The following SNX5 variants were observed in gnomAD, a reference collection of about 807,000 sequenced individuals.
The protein encoded by SNX5 is sorting nexin 5.
A neutral mutation model predicts 53.9 loss-of-function variants in SNX5; 31 were observed. The ratio of observed to expected loss-of-function variants is 0.58; its 90% CI spans 0.43 to 0.78. The LOEUF (loss-of-function observed/expected upper bound fraction) is 0.78, where lower values mean the gene tolerates loss of function less well. SNX5 is among the 30% of genes least tolerant of loss of function. The pLI, the probability that SNX5 is intolerant of heterozygous loss-of-function variation, is 0.00. For synonymous variants in SNX5, 168 were observed against 171.1 expected (o/e 0.98, Z 0.14); for missense variants, 471 against 478.8 (o/e 0.98, Z 0.15).
At chr20:17,945,550 TGA>T (rs2039476395) in intron 11 of SNX5, 1 of 151,894 alleles carries the variant, frequency 6.6e-6, no homozygotes, top group African/African-American at 2.4e-5. Flanking sequence ...TCCAGAGCCA[TGA>T]AACTGGCCTA....
chr20:17,965,009 C>A (rs1251600194), intron 1 of SNX5, among the ~76,000 whole-genome samples: 1 of 152,218 alleles, frequency 6.6e-6, no homozygotes, highest in Non-Finnish European at 1.5e-5. Context: ...GCTTTATTCT[C>A]ACAAAGATAT....
chr20:17,964,907 C>A (rs1331425534), intron 1 of SNX5, among the ~76,000 whole-genome samples: 1 of 152,192 alleles, frequency 6.6e-6, no homozygotes, highest in African/African-American at 2.4e-5. Context: ...AAACACGAAG[C>A]CCTCCCTTTG....
intron 4 of SNX5, among the ~76,000 whole-genome samples, chr20:17,953,426 G>C (rs937444123): frequency 6.6e-6 from 1 of 152,230 alleles, no homozygotes; most frequent in Non-Finnish European, 1.5e-5. Context: ...GCTGCCTGTA[G>C]ACCTGGACTT....
chr20:17,966,967 A>G (rs2035548570), intron 1 of SNX5, among the ~76,000 whole-genome samples: 1 of 152,230 alleles, frequency 6.6e-6, no homozygotes, highest in African/African-American at 2.4e-5. Context: ...TATTCCTGTA[A>G]TGTAAAAAGG....
In SNX5 at chr20:17,942,104, C is replaced by T. The variant is rs759475864; in HGVS notation, c.*253G>A. The T allele has an allele frequency of 3.7e-5, 16 of 436,608 alleles. 1 individual carries two copies. The highest frequency in any genetic ancestry group is 6.9e-5 in the South Asian group (3 of 43,202). The allele number at this position is 436,608 out of a possible 1,614,324, so 27.0% of individuals were successfully genotyped here. ...TTTCTTAGTAACTAAAGACGAACTA[C>T]GGGAGAACCCAGTATTTGGATTCTG... On this transcript the variant is annotated 3_prime_UTR_variant, in exon 13 of 13. Transcript: ENST00000377759.
chr20:17,968,701 C>A lies in SNX5; in HGVS notation c.-276G>T. The A allele has an allele frequency of 2.0e-6, 1 of 503,380 alleles. No homozygotes were observed. The highest frequency in any genetic ancestry group is 3.6e-6 in the Non-Finnish European group (1 of 276,438). The allele number at this position is 503,380 out of a possible 1,614,324, so 31.2% of individuals were successfully genotyped here. On this transcript the variant is annotated 5_prime_UTR_variant, in exon 1 of 13. In the 5' UTR this introduces an upstream ATG that the reference lacks. Transcript: ENST00000377759. ...GCAAAGACGCCACGTGGGGCCTACC[C>A]TTGCTCCGCTCCACGAGGAGGCCGC...
At chr20:17,955,660 AT>A (rs2035340748) in intron 2 of SNX5, among the ~76,000 whole-genome samples, 185 bp from the exon 3 acceptor site, 1 of 152,184 alleles carries the variant, frequency 6.6e-6, no homozygotes, top group African/African-American at 2.4e-5. Context: ...AACTCTAACG[AT>A]TTCTCCCCAA....
At chr20:17,957,546 A>G (rs548489189) in intron 1 of SNX5, among the ~76,000 whole-genome samples, 1 of 152,336 alleles carries the variant, frequency 6.6e-6, no homozygotes, top group South Asian at 2.1e-4. Flanking sequence ...GCATTGGTAT[A>G]TCCGAAGTAT....
chr20:17,955,479 T>TAAAG lies in SNX5; in HGVS notation c.157-8_157-5dup. On this transcript the variant is annotated splice_polypyrimidine_tract_variant and splice_region_variant and intron_variant, in intron 2 of 12. Coordinates refer to ENST00000377759, the MANE Select transcript of SNX5 (RefSeq NM_014426.4). ...TCTGAAACGTGGGCAGTGTGGTCTG[T>TAAAG]AAAGAAAGAAAGAAGTTAACTGGTA... is the stretch of plus-strand genomic sequence containing the variant. 6.2e-7 allele frequency: 1 copy of TAAAG among 1,609,952 alleles called. No individual in the cohort carries two copies.
At chr20:17,946,463 C>T (rs557074100) in intron 11 of SNX5, among the ~76,000 whole-genome samples, 1 of 152,328 alleles carries the variant, frequency 6.6e-6, no homozygotes, top group South Asian at 2.1e-4. Flanking sequence ...CTTAAAGGTG[C>T]TCCTATTGGC....
chr20:17,953,261 C>T (rs1047317081), intron 4 of SNX5, among the ~76,000 whole-genome samples: 1 of 152,032 alleles, frequency 6.6e-6, no homozygotes, highest in African/African-American at 2.4e-5. Flanking sequence ...CTAGATGACA[C>T]AGGGGTTTGG....
At chr20:17,946,290 C>A (rs574124024) in intron 11 of SNX5, among the ~76,000 whole-genome samples, 1 of 152,284 alleles carries the variant, frequency 6.6e-6, no homozygotes, top group Admixed American at 6.5e-5. Context: ...AGCAGAGATA[C>A]CCCGAAACGA....
At chr20:17,958,298 T>G (rs1319601888) in intron 1 of SNX5, among the ~76,000 whole-genome samples, 2 of 152,222 alleles carry the variant, frequency 1.3e-5, no homozygotes, top group African/African-American at 4.8e-5. Context: ...AATTTCCCTT[T>G]GGGTCCCTTT....
chr20:17,947,942 G>A (rs922983741), intron 10 of SNX5, among the ~76,000 whole-genome samples: 1 of 152,216 alleles, frequency 6.6e-6, no homozygotes, highest in South Asian at 2.1e-4. Flanking sequence ...TAAATATTGT[G>A]TATCAGAGAT....
chr20:17,944,001 T>A (rs945468944), intron 11 of SNX5: 3 of 152,234 alleles, frequency 2.0e-5, no homozygotes, highest in African/African-American at 7.2e-5. Flanking sequence ...CATTATACTA[T>A]CCGGCCTTTT....
intron 1 of SNX5, chr20:17,962,271 T>G (rs2035467218): frequency 6.2e-6 from 1 of 160,888 alleles, no homozygotes; most frequent in Admixed American, 6.4e-5. Context: ...CAGTCTCAGC[T>G]CACCGCGACC....
chr20:17,955,405 T>A lies in SNX5; in HGVS notation c.227A>T (p.His76Leu). The stretch of plus-strand genomic sequence containing the variant: ...GTCTGTTGTTTCAATAAGAGTGTCA[T>A]GTAGCCACACAAAGTCTTCATGTTG... ...TRQHEDFVWLHDTLIETTDYA... is the reference protein window; with the variant it reads ...TRQHEDFVWLLDTLIETTDYA... The change falls in exon 3 of 13, where the codon CAT (histidine) becomes CTT (leucine). Residue 76 changes from histidine (H) to leucine (L), a missense_variant. Transcript: ENST00000377759. The A allele has an allele frequency of 1.2e-6, 2 of 1,614,084 alleles. No homozygotes were observed. The highest frequency in any genetic ancestry group is 1.7e-6 in the Non-Finnish European group (2 of 1,179,926).
At chr20:17,958,869 C>G (rs551315596) in intron 1 of SNX5, among the ~76,000 whole-genome samples, 25 of 152,224 alleles carry the variant, frequency 1.6e-4, no homozygotes, top group African/African-American at 5.5e-4. Context: ...GAGGCTATAC[C>G]AACGACTCTA....
At position 17,952,435 on chromosome 20, in the gene SNX5, A is replaced by C. The variant is rs1038926084; in HGVS notation, c.513+152T>G. On this transcript the variant is annotated intron_variant, in intron 5 of 12. Transcript: ENST00000377759. ...AAATTTTCTTTAAGCAGAGTTTTAC[A>C]AAAAATGACTTACAATGAAGGAAAA... 33 of 754,234 alleles carry C rather than the reference A, an allele frequency of 4.4e-5. No homozygotes were observed. In the African/African-American group the frequency reaches 5.7e-4, roughly 13 times the overall value. The allele number at this position is 754,234 out of a possible 1,614,324, so 46.7% of individuals were successfully genotyped here. A position where few individuals can be genotyped will look rare whatever the true frequency, so the allele number is the denominator to read the frequency against.
Sources: allele counts gnomAD v4.1 joint callset (sites outside exome capture counted in the v4.1 genomes callset), GRCh38; gene constraint gnomAD v4.1.1; transcripts MANE v1.5; gene names NCBI Gene and HGNC (gene_info 2026-07-23, HGNC 2026-07-21).